AGL: variants seen among roughly 807,000 people sequenced by gnomAD.
AGL encodes the protein glycogen debranching enzyme.
In AGL, 128 loss-of-function variants were observed where a neutral mutation model predicts 199.3. The ratio of observed to expected loss-of-function variants is 0.64; its 90% CI spans 0.56 to 0.74. The LOEUF (loss-of-function observed/expected upper bound fraction) is 0.74. Among genes scored for constraint, AGL ranks in the 30% least tolerant of loss-of-function variants. AGL has a pLI of 0.00. For synonymous variants in AGL, 584 were observed against 594.7 expected, an observed-to-expected ratio of 0.98 and a Z score of 0.26; for missense variants, 1,809 against 1,820.8, an observed-to-expected ratio of 0.99 and a Z score of 0.12.
intron 2 of AGL, among the ~76,000 whole-genome samples, chr1:99,851,414 ATAT>A (rs1223256466): frequency 6.6e-6 from 1 of 152,230 alleles, no homozygotes; most frequent in Non-Finnish European, 1.5e-5. Flanking sequence ...AAGATTGCCC[ATAT>A]TATTTCTAAT....
chr1:99,904,745 G>C (rs901690111), intron 27 of AGL, among the ~76,000 whole-genome samples: 7 of 152,086 alleles, frequency 4.6e-5, no homozygotes, highest in Non-Finnish European at 8.8e-5. Context: ...TTTTTTCACT[G>C]TGCATAATGC....
chr1:99,883,108 T>C (rs1160540562), intron 17 of AGL, among the ~76,000 whole-genome samples: 1 of 152,186 alleles, frequency 6.6e-6, no homozygotes, highest in African/African-American at 2.4e-5. Flanking sequence ...TCTGTTATTA[T>C]GCCCTTTTAA....
intron 28 of AGL, among the ~76,000 whole-genome samples, chr1:99,911,587 G>A (rs1654758774): frequency 6.6e-6 from 1 of 152,064 alleles, no homozygotes; most frequent in Non-Finnish European, 1.5e-5. Flanking sequence ...GGGACTACAG[G>A]CGCACACTAC....
chr1:99,916,244 A>G, intron 31 of AGL, among the ~76,000 whole-genome samples, 166 bp from the exon 32 acceptor site: 1 of 152,308 alleles, frequency 6.6e-6, no homozygotes, highest in Non-Finnish European at 1.5e-5. Context: ...TGAACTCAGT[A>G]TGTACTAATT....
chr1:99,871,864 C>T (rs1267205844), intron 7 of AGL, among the ~76,000 whole-genome samples: 4 of 151,906 alleles, frequency 2.6e-5, no homozygotes, highest in Non-Finnish European at 4.4e-5. Context: ...AATGTATGAC[C>T]TCTTCTTTCC....
rs1321742882 is a variant in AGL at position 99,922,646 on chromosome 1, A to G, written c.*995A>G. 1 of 151,912 alleles carries G rather than the reference A, an allele frequency of 6.6e-6. No homozygotes were observed. Among genetic ancestry groups the G allele is most frequent in the Non-Finnish European group, 1.5e-5 (1 of 67,866 alleles). The allele number at this position is 151,912 out of a possible 1,614,324, so 9.4% of individuals were successfully genotyped here. ...ATTTTAAGATGCCTTAAAAATCTTA[A>G]AGTCACAAAAGGAAAAAGGTTTTTA... On this transcript the variant is annotated 3_prime_UTR_variant, in exon 34 of 34. Coordinates refer to ENST00000361915, the MANE Select transcript of AGL (RefSeq NM_000642.3).
chr1:99,861,932 TGTA>T (rs2101085908), intron 3 of AGL, among the ~76,000 whole-genome samples: 1 of 152,292 alleles, frequency 6.6e-6, no homozygotes, highest in South Asian at 2.1e-4. Flanking sequence ...CATCTTAAAA[TGTA>T]GTAATTTCAT....
intron 2 of AGL, among the ~76,000 whole-genome samples, chr1:99,857,229 G>C (rs1434711206): frequency 6.6e-6 from 1 of 152,026 alleles, no homozygotes; most frequent in East Asian, 1.9e-4. Flanking sequence ...GCGGGACAAA[G>C]GCGCTCCCCA....
intron 2 of AGL, 102 bp from the exon 3 acceptor site, chr1:99,861,401 T>G: frequency 6.4e-7 from 1 of 1,565,192 alleles, no homozygotes; most frequent in Non-Finnish European, 8.7e-7. Flanking sequence ...TTAAACATAA[T>G]TGAAAAATCA....
intron 2 of AGL, among the ~76,000 whole-genome samples, chr1:99,860,598 A>G (rs1649953118): frequency 6.6e-6 from 1 of 152,200 alleles, no homozygotes; most frequent in South Asian, 2.1e-4. Flanking sequence ...CACATTGCAC[A>G]AGTCTAAGGT....
Position 99,881,782 on chromosome 1 carries a change from CAT to C in AGL, c.2308+98_2308+99del, listed in dbSNP as rs1254339304. On this transcript the variant is annotated intron_variant, in intron 17 of 33. Coordinates refer to ENST00000361915, the MANE Select transcript of AGL (RefSeq NM_000642.3). ...TTATGGTTATATATCATGTATATATCATATATATTATAACACAGTGCTACTGT... is the reference window on the plus strand; with the variant it reads ...TTATGGTTATATATCATGTATATATCATATATTATAACACAGTGCTACTGT... The C allele has an allele frequency of 7.0e-6, 8 of 1,150,204 alleles. No individual in the cohort carries two copies. The Admixed American group carries it at 1.2e-4, about 17-fold the overall frequency. 71.2% of individuals were successfully genotyped at this position (1,150,204 alleles called of 1,614,324 possible).
At chr1:99,903,976 T>G (rs1451332446) in intron 27 of AGL, among the ~76,000 whole-genome samples, 2 of 152,180 alleles carry the variant, frequency 1.3e-5, no homozygotes, top group Non-Finnish European at 2.9e-5. Context: ...TCTTGTAAAT[T>G]TGCTTGAGTT....
At position 99,881,695 on chromosome 1, in the gene AGL, A is replaced by G. The variant is rs773741361; in HGVS notation, c.2308+4A>G. 39 of 1,613,054 alleles carry G rather than the reference A, an allele frequency of 2.4e-5. No homozygotes were observed. The highest frequency in any genetic ancestry group is 3.1e-5 in the Non-Finnish European group (37 of 1,179,290). On this transcript the variant is annotated splice_donor_region_variant and intron_variant, in intron 17 of 33. Coordinates refer to ENST00000361915, the MANE Select transcript of AGL (RefSeq NM_000642.3). ...GTGCCTCAAATGTGCATCCCTGGTAATGCAATCTAAAAATTGTTACTGTAT... is the reference window on the plus strand; with the variant it reads ...GTGCCTCAAATGTGCATCCCTGGTAGTGCAATCTAAAAATTGTTACTGTAT...
chr1:99,861,865 A>G, intron 3 of AGL, 152 bp downstream of exon 3: 1 of 933,582 alleles, frequency 1.1e-6, no homozygotes, highest in South Asian at 1.5e-5. Flanking sequence ...GATTTCTAGG[A>G]GGTAATTTTA....
chr1:99,896,178 C>G, intron 24 of AGL, 108 bp from the exon 25 acceptor site: 1 of 954,062 alleles, frequency 1.0e-6, no homozygotes. Context: ...TTTGCAGGTG[C>G]CTGCCTTGTA....
Position 99,870,549 on chromosome 1 carries a change from C to A in AGL, c.814C>A (p.Pro272Thr), listed in dbSNP as rs754177225. The A allele has an allele frequency of 3.1e-6, 5 of 1,613,850 alleles. No homozygotes were observed. Among genetic ancestry groups the A allele is most frequent in the Non-Finnish European group, 4.2e-6 (5 of 1,179,952 alleles). Residue 272 changes from proline to threonine, a missense_variant, in exon 6 of 34, where the codon CCT becomes ACT. Physicochemically the swap from Pro to Thr is conservative, Grantham distance 38. Coordinates refer to ENST00000361915, the MANE Select transcript of AGL (RefSeq NM_000642.3). ...AEGKYKEKGI[P>T]ALIENDHHMN... is the part of the protein sequence containing the mutation. Reference sequence around the variant, plus strand: ...AGGGAAATACAAAGAAAAGGGAATACCTGCTTTGATTGAAAATGATCACCA... The same window carrying A: ...AGGGAAATACAAAGAAAAGGGAATAACTGCTTTGATTGAAAATGATCACCA...
At chr1:99,887,159 A>G (rs1652513271) in intron 20 of AGL, among the ~76,000 whole-genome samples, 1 of 152,212 alleles carries the variant, frequency 6.6e-6, no homozygotes, top group East Asian at 1.9e-4. Flanking sequence ...TAAATGGGAA[A>G]GAAAGATACA....
rs1185147468 is a variant in AGL, at chr1:99,876,654, A to G, written c.1423+57A>G. On this transcript the variant is annotated intron_variant, in intron 11 of 33. Transcript: ENST00000361915. ...GAAAGAATAGTTCATGGCAAGGTCA[A>G]AATAAAATCTGCTTTACTGATTTTC... 5 of 1,589,772 alleles carry G rather than the reference A, an allele frequency of 3.1e-6. 1 individual carries two copies. In the African/African-American group the frequency reaches 6.7e-5, roughly 21 times the overall value.
chr1:99,886,724 A>C (rs1167660296), intron 20 of AGL, among the ~76,000 whole-genome samples: 1 of 152,170 alleles, frequency 6.6e-6, no homozygotes, highest in Non-Finnish European at 1.5e-5. Flanking sequence ...GTGTTGTTTT[A>C]TGTATTACCC....
Sources: allele counts gnomAD v4.1 joint callset (sites outside exome capture counted in the v4.1 genomes callset), GRCh38; gene constraint gnomAD v4.1.1; transcripts MANE v1.5; gene names NCBI Gene and HGNC (gene_info 2026-07-23, HGNC 2026-07-21).